ASIC2: variants seen among roughly 807,000 people sequenced by gnomAD.
ASIC2 encodes the protein acid sensing ion channel subunit 2, also known as acid-sensing ion channel 2.
A neutral mutation model predicts 57.3 loss-of-function variants in ASIC2; 25 were observed. That is an observed-to-expected ratio of 0.44 (90% CI 0.32 to 0.61). The LOEUF (loss-of-function observed/expected upper bound fraction) is 0.61. Among genes scored for constraint, ASIC2 ranks in the 20% least tolerant of loss-of-function variants. ASIC2 has a pLI of 0.06. For synonymous variants in ASIC2, 319 were observed against 307.5 expected, an observed-to-expected ratio of 1.04 and a Z score of -0.39; for missense variants, 641 against 738.1, an observed-to-expected ratio of 0.87 and a Z score of 1.52.
At chr17:33,658,897 G>C (rs1379223393) in intron 1 of ASIC2, among the ~76,000 whole-genome samples, 1 of 152,158 alleles carries the variant, frequency 6.6e-6, no homozygotes, top group African/African-American at 2.4e-5. Context: ...TAGCTACTCG[G>C]GAGGCTGAGG....
intron 1 of ASIC2, among the ~76,000 whole-genome samples, chr17:34,137,974 C>T (rs1466780912): frequency 2.0e-5 from 3 of 152,048 alleles, no homozygotes; most frequent in African/African-American, 7.3e-5. Context: ...AACATTTAGA[C>T]CCCTTTGCAC....
At chr17:33,234,354 C>T (rs1003012113) in intron 1 of ASIC2, among the ~76,000 whole-genome samples, 1 of 152,142 alleles carries the variant, frequency 6.6e-6, no homozygotes, top group Non-Finnish European at 1.5e-5. Context: ...GATATGTGGC[C>T]CTGGCTGGGC....
intron 1 of ASIC2, among the ~76,000 whole-genome samples, chr17:33,805,184 T>C (rs776699798): frequency 3.3e-5 from 5 of 152,204 alleles, no homozygotes; most frequent in Non-Finnish European, 7.3e-5. Context: ...TTCTTCCTCT[T>C]CGTCTAACTC....
intron 1 of ASIC2, among the ~76,000 whole-genome samples, chr17:33,241,254 T>A (rs1908498047): frequency 6.6e-6 from 1 of 152,248 alleles, no homozygotes; most frequent in African/African-American, 2.4e-5. Context: ...TACAGGATAT[T>A]GGTTCTTGAA....
At chr17:33,574,926 G>C (rs1597791717) in intron 1 of ASIC2, among the ~76,000 whole-genome samples, 3 of 151,382 alleles carry the variant, frequency 2.0e-5, no homozygotes, top group Middle Eastern at 6.9e-3. Flanking sequence ...AAATGAATCT[G>C]GTAATTTGCC....
chr17:33,780,513 A>G (rs1322971735), intron 1 of ASIC2, among the ~76,000 whole-genome samples: 3 of 152,176 alleles, frequency 2.0e-5, no homozygotes, highest in African/African-American at 7.2e-5. Flanking sequence ...GTGTAATAAT[A>G]TAGGTTGTTG....
At chr17:33,354,959 C>T (rs972037151) in intron 1 of ASIC2, among the ~76,000 whole-genome samples, 1 of 152,148 alleles carries the variant, frequency 6.6e-6, no homozygotes, top group Admixed American at 6.5e-5. Flanking sequence ...ATGGGCTGCC[C>T]TTAACAGACT....
chr17:33,784,758 C>A (rs1008021519), intron 1 of ASIC2, among the ~76,000 whole-genome samples: 4 of 152,138 alleles, frequency 2.6e-5, no homozygotes, highest in Non-Finnish European at 2.9e-5. Context: ...TGCTCAAGAG[C>A]CACATGTAGC....
At chr17:34,105,480 C>CTTTTTTTTTTTTTTTTTTTTTTTTTTTTT (rs11305436) in intron 1 of ASIC2, among the ~76,000 whole-genome samples, 1 of 122,882 alleles carries the variant, frequency 8.1e-6, no homozygotes, top group African/African-American at 3.0e-5. Context: ...TTTCATCTAC[C>CTTTTTTTTTTTTTTTTTTTTTTTTTTTTT]TTTTTTTTTT....
chr17:33,243,597 G>C (rs1908587166), intron 1 of ASIC2, among the ~76,000 whole-genome samples: 1 of 152,150 alleles, frequency 6.6e-6, no homozygotes, highest in Non-Finnish European at 1.5e-5. Context: ...ATTGTGTGTG[G>C]AATAGACTGT....
chr17:33,192,399 CAAAACAAAACAAAACAA>C (rs1219505882), intron 1 of ASIC2, among the ~76,000 whole-genome samples: 3 of 20,052 alleles, frequency 1.5e-4, no homozygotes, highest in African/African-American at 3.7e-4. Context: ...CAAAACAAAA[CAAAACAAAACAAAACAA>C]AACAAAACAA....
chr17:33,858,985 G>A (rs1357076507), intron 1 of ASIC2, among the ~76,000 whole-genome samples: 1 of 152,200 alleles, frequency 6.6e-6, no homozygotes, highest in African/African-American at 2.4e-5. Flanking sequence ...GACTGTCCAG[G>A]AACAGAAACT....
chr17:33,425,882 C>G (rs1229831109), intron 1 of ASIC2, among the ~76,000 whole-genome samples: 2 of 152,104 alleles, frequency 1.3e-5, no homozygotes, highest in Admixed American at 1.3e-4. Context: ...AGGGAGAGGA[C>G]TTAGATCCTG....
At chr17:33,962,486 G>A (rs1904955605) in intron 1 of ASIC2, among the ~76,000 whole-genome samples, 1 of 152,208 alleles carries the variant, frequency 6.6e-6, no homozygotes, top group Admixed American at 6.5e-5. Context: ...CAGAGCCACA[G>A]TGAATTCTGA....
At chr17:33,091,906 T>C (rs1456972250) in intron 2 of ASIC2, among the ~76,000 whole-genome samples, 1 of 152,230 alleles carries the variant, frequency 6.6e-6, no homozygotes, top group Non-Finnish European at 1.5e-5. Context: ...ACTGAGGAAC[T>C]GAATTTTTCA....
chr17:33,384,972 TCAGA>T (rs1909621576), intron 1 of ASIC2, among the ~76,000 whole-genome samples: 1 of 152,200 alleles, frequency 6.6e-6, no homozygotes, highest in African/African-American at 2.4e-5. Context: ...TGCTCTAAAG[TCAGA>T]CAGACATAGG....
At chr17:33,688,742 T>C (rs1908273228) in intron 1 of ASIC2, 1 of 152,224 alleles carries the variant, frequency 6.6e-6, no homozygotes, top group Non-Finnish European at 1.5e-5. Flanking sequence ...ATGTACAGCA[T>C]TCTATGTGAA....
intron 1 of ASIC2, among the ~76,000 whole-genome samples, chr17:33,604,026 T>C (rs541663819): frequency 1.6e-4 from 25 of 152,166 alleles, no homozygotes; most frequent in Middle Eastern, 3.2e-3. Context: ...AACTGTCACA[T>C]GGCCCTACCT....
rs556970177 is a variant in ASIC2 at position 33,362,341 on chromosome 17, G to A, written c.556-250274C>T. Among the ~76,000 whole-genome samples, 3 of 152,300 alleles carry A rather than the reference G, an allele frequency of 2.0e-5. No individual in the cohort carries two copies. The East Asian group carries it at 5.8e-4, about 29-fold the overall frequency. ...GACGTGTGGCTAAGAAGGGGTGGAGGGTGGTGCAGCTCTTGATGGGCAAAT... is the reference window on the plus strand; with the variant it reads ...GACGTGTGGCTAAGAAGGGGTGGAGAGTGGTGCAGCTCTTGATGGGCAAAT... On this transcript the variant is annotated intron_variant, in intron 1 of 9. Transcript: ENST00000359872.
Sources: gnomAD v4.1 joint callset for allele counts (sites outside exome capture counted in the v4.1 genomes callset) on GRCh38, gnomAD v4.1.1 for gene constraint, MANE v1.5 for transcripts, NCBI Gene and HGNC (gene_info 2026-07-23, HGNC 2026-07-21) for gene names.